Variants in CAMSAP1 observed in about 807,000 individuals in gnomAD.
CAMSAP1 encodes the protein calmodulin-regulated spectrin-associated protein 1.
A neutral mutation model predicts 143.5 loss-of-function variants in CAMSAP1; 58 were observed. The ratio of observed to expected loss-of-function variants is 0.40; its 90% CI spans 0.33 to 0.50. The LOEUF is 0.50. CAMSAP1 is among the 20% of genes least tolerant of loss of function. CAMSAP1 has a pLI of 0.45. For missense variants in CAMSAP1, 1,969 were observed against 2,115.7 expected (o/e 0.93, Z 1.36); for synonymous variants, 945 against 859.3 (o/e 1.10, Z -1.74).
chr9:135,813,280 C>T (rs997731909), intron 16 of CAMSAP1, among the ~76,000 whole-genome samples: 1 of 152,164 alleles, frequency 6.6e-6, no homozygotes, highest in African/African-American at 2.4e-5. Context: ...ACGGAGGGCC[C>T]GAGCGGCTGA....
chr9:135,822,637 G>A lies in CAMSAP1; in HGVS notation c.2024C>T (p.Ala675Val). 6.2e-7 allele frequency: 1 copy of A among 1,611,008 alleles called. No individual in the cohort carries two copies. The highest frequency in any genetic ancestry group is 8.5e-7 in the Non-Finnish European group (1 of 1,178,170). The change falls in exon 11 of 17, where the codon GCA becomes GTA. Residue 675 changes from alanine (A) to valine (V), a missense_variant. Physicochemically the swap from Ala to Val is moderately conservative, Grantham distance 64. Transcript: ENST00000389532. The surrounding 1 kb of genome is among the most constrained non-coding windows in gnomAD (Gnocchi z 6.1). ...CAGAGGCCCACCACAGACCTCTCCT[G>A]CGGTTTCCACTGACAGTGGTCCTGT... ...TETGPLSVET[A>V]GEVCGGPLAL...
At chr9:135,894,983 T>A (rs1411918654) in intron 1 of CAMSAP1, among the ~76,000 whole-genome samples, 1 of 152,174 alleles carries the variant, frequency 6.6e-6, no homozygotes, top group Admixed American at 6.5e-5. Flanking sequence ...CTGGATGGGC[T>A]CAGCAATAGT....
At position 135,880,317 on chromosome 9, in the gene CAMSAP1, T is replaced by C. The variant is rs375462124; in HGVS notation, c.585+1316A>G. Among the ~76,000 whole-genome samples the C allele has an allele frequency of 3.4e-4, 51 of 152,068 alleles. No individual in the cohort carries two copies. In the Middle Eastern group the frequency reaches 0.01, roughly 30 times the overall value. On this transcript the variant is annotated intron_variant, in intron 3 of 16. Transcript: ENST00000389532. ...GTGAGAGCCAGGGATGAGTGAGACATGGCGCTCACCACCAAGAGGCGTCCT... is the reference window on the plus strand; with the variant it reads ...GTGAGAGCCAGGGATGAGTGAGACACGGCGCTCACCACCAAGAGGCGTCCT...
intron 7 of CAMSAP1, among the ~76,000 whole-genome samples, chr9:135,842,214 A>G (rs976134799): frequency 6.6e-6 from 1 of 152,340 alleles, no homozygotes; most frequent in African/African-American, 2.4e-5. Context: ...CACAAGTATC[A>G]GTAGCTGAAT....
At chr9:135,867,477 C>CT (rs547781628) in intron 3 of CAMSAP1, among the ~76,000 whole-genome samples, 144 of 139,496 alleles carry the variant, frequency 1.0e-3, no homozygotes, top group South Asian at 1.4e-3. Context: ...AGACCCCCCT[C>CT]TTTTTTTTTT....
At chr9:135,885,015 C>G (rs1210421241) in intron 1 of CAMSAP1, among the ~76,000 whole-genome samples, 3 of 152,198 alleles carry the variant, frequency 2.0e-5, no homozygotes, top group Non-Finnish European at 4.4e-5. Context: ...GACAGTCACT[C>G]TCAGCCTTCC....
At chr9:135,906,625 G>A (rs1838785499) in intron 1 of CAMSAP1, among the ~76,000 whole-genome samples, 1 of 152,228 alleles carries the variant, frequency 6.6e-6, no homozygotes, top group Non-Finnish European at 1.5e-5. Flanking sequence ...GACGATGCCC[G>A]GCGCGCCGGG....
Position 135,906,918 on chromosome 9 carries a change from C to A in CAMSAP1, c.160+82G>T, listed in dbSNP as rs1349900444. 3 of 819,334 alleles carry A rather than the reference C, an allele frequency of 3.7e-6. No homozygotes were observed. The East Asian group carries it at 3.6e-4, about 99-fold the overall frequency. 50.8% of individuals were successfully genotyped at this position (819,334 alleles called of 1,614,324 possible). On this transcript the variant is annotated intron_variant, in intron 1 of 16. Coordinates refer to ENST00000389532, the MANE Select transcript of CAMSAP1 (RefSeq NM_015447.4). The stretch of plus-strand genomic sequence containing the variant: ...GGCACAAAGGCGCGGCGCGCGGACC[C>A]CGACCCGGCCGGACCCCGGCCGCGT...
At position 135,815,630 on chromosome 9, in the gene CAMSAP1, TGCTGCCCCCAGGTCC is replaced by T. The variant is rs958561272; in HGVS notation, c.4387+245_4387+259del. Among the ~76,000 whole-genome samples the T allele has an allele frequency of 9.8e-5, 15 of 152,360 alleles. No homozygotes were observed. The South Asian group carries it at 3.1e-3, about 32-fold the overall frequency. On this transcript the variant is annotated intron_variant, in intron 15 of 16. Transcript: ENST00000389532. ...AAGCACTTCCACCACTCCCGGGCTC[TGCTGCCCCCAGGTCC>T]GCTGCCCCCTGCACAGCAGACAGCA...
rs1181153066 is a variant in CAMSAP1 at position 135,822,608 on chromosome 9, G to C, written c.2053C>G (p.Leu685Val). ...AGEVCGGPLA[L>V]GGFDPFPQGP... ...TGGGGGAACGGATCGAATCCGCCAA[G>C]GGCCAGAGGCCCACCACAGACCTCT... The change falls in exon 11 of 17, where the codon CTT becomes GTT. Residue 685 changes from leucine to valine, a missense_variant. By Grantham distance (32) the Leu-to-Val change is conservative. This residue lies in a region of CAMSAP1 where 1,390 missense variants were observed against 1,420.8 expected (regional missense o/e 0.98). Transcript: ENST00000389532. The surrounding 1 kb of genome is among the most constrained non-coding windows in gnomAD (Gnocchi z 6.1). 3 of 1,613,132 alleles carry C rather than the reference G, an allele frequency of 1.9e-6. No individual in the cohort carries two copies. The highest frequency in any genetic ancestry group is 1.3e-5 in the African/African-American group (1 of 74,852).
At position 135,907,396 on chromosome 9, in the gene CAMSAP1, G is replaced by A. The variant is rs965095512; in HGVS notation, c.-237C>T. On this transcript the variant is annotated 5_prime_UTR_variant, in exon 1 of 17. Coordinates refer to ENST00000389532, the MANE Select transcript of CAMSAP1 (RefSeq NM_015447.4). ...GGAGGTGCCGAGCCCGCGGCCCAAA[G>A]AGGCGGCGGCAGGAGGGCGCGGGCC... Among the ~76,000 whole-genome samples the A allele has an allele frequency of 6.8e-6, 1 of 146,078 alleles. No individual in the cohort carries two copies. Among genetic ancestry groups the A allele is most frequent in the African/African-American group, 2.5e-5 (1 of 40,768 alleles).
At chr9:135,832,285 C>T (rs949533741) in intron 7 of CAMSAP1, among the ~76,000 whole-genome samples, 4 of 151,998 alleles carry the variant, frequency 2.6e-5, no homozygotes, top group African/African-American at 9.7e-5. Context: ...CAATGCAGAA[C>T]ACATTAACAG....
chr9:135,827,379 G>A, intron 8 of CAMSAP1, 28 bp downstream of exon 8: 1 of 1,467,394 alleles, frequency 6.8e-7, no homozygotes, highest in African/African-American at 1.4e-5. Flanking sequence ...ATGGTGAACT[G>A]ATTCTGAAAG....
intron 7 of CAMSAP1, among the ~76,000 whole-genome samples, chr9:135,843,152 A>G (rs1836421663): frequency 1.3e-5 from 2 of 151,940 alleles, no homozygotes; most frequent in Non-Finnish European, 2.9e-5. Flanking sequence ...ACATGGAGAA[A>G]CCCCGTCTCT....
intron 1 of CAMSAP1, among the ~76,000 whole-genome samples, chr9:135,894,811 T>A (rs946322049): frequency 2.6e-5 from 4 of 152,288 alleles, no homozygotes; most frequent in South Asian, 2.1e-4. Flanking sequence ...ACAAACACCA[T>A]GATAAATCAA....
At chr9:135,866,792 C>T (rs967522789) in intron 3 of CAMSAP1, among the ~76,000 whole-genome samples, 6 of 152,188 alleles carry the variant, frequency 3.9e-5, no homozygotes, top group Admixed American at 6.5e-5. Context: ...CCCGTCACTG[C>T]GGGGCAGAGT....
At chr9:135,841,188 C>T (rs1487191876) in intron 7 of CAMSAP1, among the ~76,000 whole-genome samples, 1 of 152,150 alleles carries the variant, frequency 6.6e-6, no homozygotes, top group Non-Finnish European at 1.5e-5. Context: ...ATTACTGAGG[C>T]TTGAGTAGGT....
chr9:135,845,360 A>G (rs1285285611), intron 7 of CAMSAP1, among the ~76,000 whole-genome samples: 34 of 152,166 alleles, frequency 2.2e-4, no homozygotes, highest in Admixed American at 2.2e-3. Context: ...TATTGATGGG[A>G]CGTATCTCAA....
At chr9:135,891,799 T>A (rs1838298775) in intron 1 of CAMSAP1, among the ~76,000 whole-genome samples, 1 of 152,102 alleles carries the variant, frequency 6.6e-6, no homozygotes, top group African/African-American at 2.4e-5. Flanking sequence ...TTCCATGAGG[T>A]AAAGCTACAC....
Sources: allele counts gnomAD v4.1 joint callset (sites outside exome capture counted in the v4.1 genomes callset), GRCh38; gene constraint gnomAD v4.1.1; regional missense constraint gnomAD v4.1.1; non-coding constraint Gnocchi (gnomAD v3.1); transcripts MANE v1.5; gene names NCBI Gene and HGNC (gene_info 2026-07-23, HGNC 2026-07-21).